ITPR1: variants seen among roughly 807,000 people sequenced by gnomAD.
The protein encoded by ITPR1 is inositol 1,4,5-trisphosphate receptor type 1.
In ITPR1, 96 loss-of-function variants were observed where a neutral mutation model predicts 318.4. The ratio of observed to expected loss-of-function variants is 0.30; its 90% confidence interval spans 0.26 to 0.36. ITPR1 has a LOEUF of 0.36. Ranked by LOEUF, ITPR1 falls within the 10% of genes least tolerant of loss-of-function variation. ITPR1 has a pLI of 1.00. For missense variants in ITPR1, 2,440 were observed against 3,460.2 expected (o/e 0.71, Z 7.40); for synonymous variants, 1,312 against 1,289.9 (o/e 1.02, Z -0.37).
intron 60 of ITPR1, among the ~76,000 whole-genome samples, chr3:4,824,275 G>T (rs893359533): frequency 1.3e-5 from 2 of 152,176 alleles, no homozygotes; most frequent in Admixed American, 6.5e-5. Context: ...TCAGTGTGCG[G>T]AAAATAAACA....
chr3:4,507,411 A>G (rs1393053999), intron 2 of ITPR1, among the ~76,000 whole-genome samples: 1 of 152,218 alleles, frequency 6.6e-6, no homozygotes, highest in Non-Finnish European at 1.5e-5. Context: ...TGAAGGCTTA[A>G]GTGACAGGGT....
chr3:4,785,120 C>G (rs549052171), intron 51 of ITPR1, among the ~76,000 whole-genome samples: 1 of 152,190 alleles, frequency 6.6e-6, no homozygotes. Flanking sequence ...GGGAAAGAAA[C>G]AAACAAAAAA....
intron 4 of ITPR1, among the ~76,000 whole-genome samples, chr3:4,592,314 C>T (rs1380756784): frequency 6.6e-6 from 1 of 152,140 alleles, no homozygotes; most frequent in Non-Finnish European, 1.5e-5. Context: ...TGCACCTTGT[C>T]TTTTAGTTCT....
intron 4 of ITPR1, among the ~76,000 whole-genome samples, chr3:4,531,161 A>G (rs1334457506): frequency 6.6e-6 from 1 of 152,138 alleles, no homozygotes; most frequent in Non-Finnish European, 1.5e-5. Context: ...GGAGGACCAC[A>G]CAGTGTCTGC....
chr3:4,645,751 G>A (rs748757961), intron 10 of ITPR1, 23 bp downstream of exon 10: 2 of 1,607,480 alleles, frequency 1.2e-6, no homozygotes, highest in Non-Finnish European at 1.7e-6. Context: ...TGGAGAAAGG[G>A]CTCCTGGGTT....
intron 5 of ITPR1, among the ~76,000 whole-genome samples, chr3:4,635,126 C>T (rs13315765): frequency 6.6e-6 from 1 of 152,044 alleles, no homozygotes; most frequent in Non-Finnish European, 1.5e-5. Context: ...TATGGGCAGA[C>T]GTTAGGTAGG....
At chr3:4,759,866 C>T (rs893502740) in intron 44 of ITPR1, among the ~76,000 whole-genome samples, 1 of 152,216 alleles carries the variant, frequency 6.6e-6, no homozygotes, top group Non-Finnish European at 1.5e-5. Flanking sequence ...TGCCCACTTC[C>T]CTTTCCCCCT....
chr3:4,571,440 A>G (rs1036899151), intron 4 of ITPR1, among the ~76,000 whole-genome samples: 4 of 152,032 alleles, frequency 2.6e-5, no homozygotes, highest in African/African-American at 9.7e-5. Flanking sequence ...TCTGGGGCTC[A>G]AGCAATCCTC....
intron 44 of ITPR1, among the ~76,000 whole-genome samples, chr3:4,759,508 G>A (rs923539236): frequency 8.5e-5 from 13 of 152,222 alleles, no homozygotes; most frequent in African/African-American, 2.9e-4. Flanking sequence ...TGTGGCCCTG[G>A]CAAGTCTCTT....
intron 40 of ITPR1, among the ~76,000 whole-genome samples, chr3:4,723,343 A>G (rs568328535): frequency 1.3e-5 from 2 of 152,298 alleles, no homozygotes; most frequent in African/African-American, 4.8e-5. Context: ...AAGGGATCAC[A>G]TTGAAAAGTG....
At chr3:4,798,349 C>T (rs768053201) in intron 53 of ITPR1, among the ~76,000 whole-genome samples, 14 of 152,176 alleles carry the variant, frequency 9.2e-5, no homozygotes, top group East Asian at 3.8e-4. Context: ...GCACATGAAA[C>T]GATGTTGAGC....
At chr3:4,494,995 G>C (rs199687022) in intron 2 of ITPR1, among the ~76,000 whole-genome samples, 1 of 152,162 alleles carries the variant, frequency 6.6e-6, no homozygotes, top group Admixed American at 6.5e-5. Context: ...CTTTAAAAAG[G>C]GAAGTGAGTT....
At chr3:4,582,199 C>T (rs998399047) in intron 4 of ITPR1, among the ~76,000 whole-genome samples, 3 of 152,082 alleles carry the variant, frequency 2.0e-5, no homozygotes, top group Non-Finnish European at 2.9e-5. Flanking sequence ...AGGTTAGATA[C>T]CGCTTATTTT....
chr3:4,608,954 A>T (rs540115328), intron 4 of ITPR1, among the ~76,000 whole-genome samples: 110 of 145,024 alleles, frequency 7.6e-4, no homozygotes, highest in African/African-American at 2.0e-3. Flanking sequence ...GTGAGCCGAG[A>T]TCACGCACTG....
intron 4 of ITPR1, among the ~76,000 whole-genome samples, chr3:4,550,519 A>G (rs1378343046): frequency 6.6e-6 from 1 of 152,350 alleles, no homozygotes. Context: ...AAACTGTTAC[A>G]TGAAAAATAG....
chr3:4,711,210 C>CAA (rs1169754547), intron 38 of ITPR1, among the ~76,000 whole-genome samples: 2,541 of 56,218 alleles, frequency 0.045, 76 homozygotes, highest in African/African-American at 0.071. Flanking sequence ...GACCTTGTCT[C>CAA]AAAAAAAAAA....
intron 44 of ITPR1, among the ~76,000 whole-genome samples, chr3:4,756,270 C>T (rs1164526651): frequency 6.6e-6 from 1 of 152,176 alleles, no homozygotes; most frequent in African/African-American, 2.4e-5. Context: ...CGATGTTTAT[C>T]TCTGCACGTG....
Position 4,711,595 on chromosome 3 carries a change from C to G in ITPR1, c.4992-162C>G, listed in dbSNP as rs565492122. On this transcript the variant is annotated intron_variant, in intron 38 of 61. Coordinates refer to ENST00000649015, the MANE Select transcript of ITPR1 (RefSeq NM_001378452.1). ...GTCACTATTGAGACACAGTTGCTAACTGGCTGTTCTCAGTGCAGGGAATGC... is the reference window on the plus strand; with the variant it reads ...GTCACTATTGAGACACAGTTGCTAAGTGGCTGTTCTCAGTGCAGGGAATGC... The G allele has an allele frequency of 1.3e-4, 74 of 586,336 alleles. 1 individual carries two copies. The East Asian group carries it at 2.1e-3, about 16-fold the overall frequency. The allele number at this position is 586,336 out of a possible 1,614,324, so 36.3% of individuals were successfully genotyped here. A position where few individuals can be genotyped will look rare whatever the true frequency, so the allele number is the denominator to read the frequency against.
chr3:4,836,011 G>C (rs756189833), intron 60 of ITPR1, among the ~76,000 whole-genome samples: 1 of 152,160 alleles, frequency 6.6e-6, no homozygotes, highest in Non-Finnish European at 1.5e-5. Context: ...CGGGGACATT[G>C]ACAGAAGAGC....
Sources: gnomAD v4.1 joint callset for allele counts (sites outside exome capture counted in the v4.1 genomes callset) on GRCh38, gnomAD v4.1.1 for gene constraint, MANE v1.5 for transcripts, NCBI Gene and HGNC (gene_info 2026-07-23, HGNC 2026-07-21) for gene names.